GABPB2: variants seen among roughly 807,000 people sequenced by gnomAD.
GABPB2 encodes the protein GA binding protein transcription factor subunit beta 2.
Under a neutral mutation model 39.1 loss-of-function variants are expected in GABPB2, and 23 were observed. The observed-to-expected ratio is 0.59, with a 90% CI of 0.42 to 0.83. The LOEUF (loss-of-function observed/expected upper bound fraction) is 0.83, where lower values mean the gene tolerates loss of function less well. GABPB2 is among the 40% of genes least tolerant of loss of function. The pLI is 0.00. For missense variants in GABPB2, 467 were observed against 541.1 expected, an observed-to-expected ratio of 0.86 and a Z score of 1.36; for synonymous variants, 184 against 199.3, an observed-to-expected ratio of 0.92 and a Z score of 0.65.
At position 151,122,086 on chromosome 1, in the gene GABPB2, T is replaced by C. The variant is rs1230889867; in HGVS notation, c.*3830T>C. 6.6e-6 allele frequency: 1 copy of C among 152,228 alleles called. No individual in the cohort carries two copies. Among genetic ancestry groups the C allele is most frequent in the African/African-American group, 2.4e-5 (1 of 41,464 alleles). The allele number at this position is 152,228 out of a possible 1,614,324, so 9.4% of individuals were successfully genotyped here. On this transcript the variant is annotated 3_prime_UTR_variant, in exon 9 of 9. Coordinates refer to ENST00000368918, the MANE Select transcript of GABPB2 (RefSeq NM_144618.3). ...AGTGTTACAGAGGAGCAGAATCACT[T>C]GGGTCTCAAAATAGACTGAAAATTT...
chr1:151,082,403 T>C (rs1677803519), intron 1 of GABPB2, among the ~76,000 whole-genome samples: 2 of 129,744 alleles, frequency 1.5e-5, no homozygotes, highest in African/African-American at 5.8e-5. Flanking sequence ...TTTTTTTTTT[T>C]TTTTTTTTTT....
chr1:151,103,089 G>A (rs1028597152), intron 5 of GABPB2, among the ~76,000 whole-genome samples: 4 of 124,084 alleles, frequency 3.2e-5, no homozygotes, highest in African/African-American at 6.2e-5. Context: ...TCGCTCTGTC[G>A]CCCAGGCTGA....
chr1:151,083,753 A>G (rs1677920184), intron 1 of GABPB2, among the ~76,000 whole-genome samples: 1 of 150,250 alleles, frequency 6.7e-6, no homozygotes, highest in South Asian at 2.1e-4. Context: ...TGTTATTATT[A>G]TTTTTTGAGA....
chr1:151,092,593 G>GTT (rs370294993), intron 3 of GABPB2, among the ~76,000 whole-genome samples: 327 of 142,264 alleles, frequency 2.3e-3, no homozygotes, highest in South Asian at 7.7e-3. Flanking sequence ...AATGGTTTTT[G>GTT]TTTTTTTTTT....
chr1:151,080,544 T>TAAATAAATAAATA (rs1553260954), intron 1 of GABPB2, among the ~76,000 whole-genome samples: 4 of 147,194 alleles, frequency 2.7e-5, no homozygotes, highest in African/African-American at 7.6e-5. Context: ...AATAAATAAA[T>TAAATAAATAAATA]AAATAAAATA....
At chr1:151,071,244 C>CGAGGCCTGTCGCCGAGGCT (rs1553259096) in intron 1 of GABPB2, among the ~76,000 whole-genome samples, 1 of 152,114 alleles carries the variant, frequency 6.6e-6, no homozygotes, top group Non-Finnish European at 1.5e-5. Flanking sequence ...GAGCCGGGGC[C>CGAGGCCTGTCGCCGAGGCT]GAGGCCTGTC....
intron 7 of GABPB2, among the ~76,000 whole-genome samples, chr1:151,115,627 C>G (rs1020499329): frequency 1.5e-4 from 23 of 151,930 alleles, no homozygotes; most frequent in Non-Finnish European, 2.4e-4. Context: ...TCTCAAACTC[C>G]TGAGCTCAGG....
chr1:151,070,791 G>C lies in GABPB2; in HGVS notation c.-144G>C, dbSNP rs1002081746. On this transcript the variant is annotated 5_prime_UTR_variant, in exon 1 of 9. Coordinates refer to ENST00000368918, the MANE Select transcript of GABPB2 (RefSeq NM_144618.3). ...TTTGTTGCCTCTGTTTCTCCACGAGGGGGGGTTAAAGGCCCCCAAAACATG... is the reference window on the plus strand; with the variant it reads ...TTTGTTGCCTCTGTTTCTCCACGAGCGGGGGTTAAAGGCCCCCAAAACATG... 3 of 152,124 alleles carry C rather than the reference G, an allele frequency of 2.0e-5. No individual in the cohort carries two copies. Among genetic ancestry groups the C allele is most frequent in the African/African-American group, 4.8e-5 (2 of 41,394 alleles). 9.4% of individuals were successfully genotyped at this position (152,124 alleles called of 1,614,324 possible). A position where few individuals can be genotyped will look rare whatever the true frequency, so the allele number is the denominator to read the frequency against.
intron 1 of GABPB2, chr1:151,073,306 A>G (rs1209874751): frequency 2.0e-5 from 3 of 152,092 alleles, no homozygotes; most frequent in African/African-American, 7.2e-5. Context: ...TATTTTATTC[A>G]TCTCCAAAAT....
At chr1:151,077,459 T>C (rs1677270622) in intron 1 of GABPB2, among the ~76,000 whole-genome samples, 1 of 144,704 alleles carries the variant, frequency 6.9e-6, no homozygotes, top group Non-Finnish European at 1.5e-5. Context: ...CGGATTCAAG[T>C]GATTCTTCTG....
At chr1:151,096,449 AAAGC>A (rs587607603) in intron 4 of GABPB2, among the ~76,000 whole-genome samples, 115 of 152,220 alleles carry the variant, frequency 7.6e-4, no homozygotes, top group Non-Finnish European at 1.4e-3. Context: ...AGAGACAGAG[AAAGC>A]AAGCAAGCAA....
rs191180293 is a variant in GABPB2, at chr1:151,087,261, A to G, written c.1-929A>G. On this transcript the variant is annotated intron_variant, in intron 1 of 8. Coordinates refer to ENST00000368918, the MANE Select transcript of GABPB2 (RefSeq NM_144618.3). The stretch of plus-strand genomic sequence containing the variant: ...TTTGACCTCCCAAAGTGCTGGGATT[A>G]CAGTCCCAAGCCACTGCACCCCTCT... 1.1e-4 allele frequency among the ~76,000 whole-genome samples: 16 copies of G among 152,304 alleles called. 1 individual carries two copies. The highest frequency in any genetic ancestry group is 3.3e-4 in the Admixed American group (5 of 15,278).
intron 4 of GABPB2, among the ~76,000 whole-genome samples, chr1:151,093,997 TAAGG>T (rs1442814974): frequency 2.6e-5 from 4 of 150,990 alleles, no homozygotes; most frequent in African/African-American, 4.9e-5. Flanking sequence ...TATTGAGTGA[TAAGG>T]AAGCCACTTC....
At chr1:151,114,052 A>G (rs766953120) in intron 7 of GABPB2, among the ~76,000 whole-genome samples, 1 of 152,092 alleles carries the variant, frequency 6.6e-6, no homozygotes, top group Non-Finnish European at 1.5e-5. Context: ...TCAGCTATCT[A>G]AAAATAAAAC....
At position 151,112,671 on chromosome 1, in the gene GABPB2, A is replaced by AG. The variant is rs1680546259; in HGVS notation, c.923-4720dup. The AG allele has an allele frequency of 3.4e-5, 7 of 204,766 alleles. No homozygotes were observed. In the South Asian group the frequency reaches 6.4e-4, roughly 19 times the overall value. The allele number at this position is 204,766 out of a possible 1,614,324, so 12.7% of individuals were successfully genotyped here. On this transcript the variant is annotated intron_variant, in intron 7 of 8. Transcript: ENST00000368918. ...TGCTGGTTTGAGCAGACATGACAAG[A>AG]GCAAGAACCCTGGCCAAATTTTTGT...
At chr1:151,099,155 A>C (rs1679331962) in intron 5 of GABPB2, among the ~76,000 whole-genome samples, 1 of 151,638 alleles carries the variant, frequency 6.6e-6, no homozygotes, top group Non-Finnish European at 1.5e-5. Flanking sequence ...AATAAGAATG[A>C]ATGAGTTTGT....
intron 5 of GABPB2, among the ~76,000 whole-genome samples, chr1:151,099,747 G>A (rs1335414169): frequency 6.6e-6 from 1 of 152,166 alleles, no homozygotes; most frequent in Non-Finnish European, 1.5e-5. Context: ...TCAGAATTGT[G>A]CTCAAATAAT....
chr1:151,075,942 G>A (rs767347523), intron 1 of GABPB2, among the ~76,000 whole-genome samples: 4 of 152,080 alleles, frequency 2.6e-5, no homozygotes, highest in African/African-American at 4.8e-5. Context: ...TTTTCAGGGT[G>A]AATAGGGGCG....
chr1:151,088,475 C>T, intron 2 of GABPB2, 178 bp downstream of exon 2: 1 of 1,348,374 alleles, frequency 7.4e-7, no homozygotes, highest in Non-Finnish European at 1.0e-6. Context: ...TTTAGTTTTC[C>T]AAATTGAGAG....
Sources: gnomAD v4.1 joint callset for allele counts (sites outside exome capture counted in the v4.1 genomes callset) on GRCh38, gnomAD v4.1.1 for gene constraint, MANE v1.5 for transcripts, NCBI Gene and HGNC (gene_info 2026-07-23, HGNC 2026-07-21) for gene names.